Variants in TNFSF11 observed in about 807,000 individuals in gnomAD.
TNFSF11 encodes TNF superfamily member 11.
Under a neutral mutation model 32.2 loss-of-function variants are expected in TNFSF11, and 12 were observed. That is an observed-to-expected ratio of 0.37 (90% CI 0.24 to 0.60). The LOEUF (loss-of-function observed/expected upper bound fraction) is 0.60. TNFSF11 is among the 20% of genes least tolerant of loss of function. The probability of loss-of-function intolerance (pLI) is 0.66; values close to 1 mark genes in which losing one functional copy is unlikely to be tolerated. For missense variants in TNFSF11, 345 were observed against 398.0 expected (o/e 0.87, Z 1.13); for synonymous variants, 172 against 152.1 (o/e 1.13, Z -0.96).
intron 1 of TNFSF11, among the ~76,000 whole-genome samples, chr13:42,578,375 G>A (rs930312075): frequency 9.2e-5 from 14 of 152,158 alleles, no homozygotes; most frequent in African/African-American, 3.4e-4. Flanking sequence ...TTACCTGTGT[G>A]TGTGGCTGGC....
intron 1 of TNFSF11, among the ~76,000 whole-genome samples, chr13:42,574,890 G>C (rs1420165124): frequency 6.6e-6 from 1 of 152,220 alleles, no homozygotes; most frequent in African/African-American, 2.4e-5. Flanking sequence ...TTGAAGTTAA[G>C]AATCAACTTC....
intron 1 of TNFSF11, among the ~76,000 whole-genome samples, chr13:42,564,426 G>A (rs1872795087): frequency 6.6e-6 from 1 of 152,096 alleles, no homozygotes; most frequent in Non-Finnish European, 1.5e-5. Context: ...AATTAGCCGG[G>A]CGTGGTGGCA....
intron 1 of TNFSF11, among the ~76,000 whole-genome samples, 166 bp downstream of exon 1, chr13:42,574,688 C>G (rs1873221006): frequency 6.6e-6 from 1 of 151,894 alleles, no homozygotes; most frequent in Non-Finnish European, 1.5e-5. Context: ...TGGGGACAAC[C>G]TGGCGCAGGG....
At chr13:42,582,656 C>T (rs147614655) in intron 2 of TNFSF11, among the ~76,000 whole-genome samples, 167 of 152,236 alleles carry the variant, frequency 1.1e-3, no homozygotes, top group African/African-American at 3.8e-3. Context: ...TTTTCATTAT[C>T]ATTAGTGTGT....
chr13:42,590,937 G>A (rs1280092704), intron 2 of TNFSF11, among the ~76,000 whole-genome samples: 2 of 152,190 alleles, frequency 1.3e-5, no homozygotes, highest in East Asian at 1.9e-4. Context: ...TAGCTCTTTG[G>A]TAGGTAGAGG....
intron 2 of TNFSF11, among the ~76,000 whole-genome samples, chr13:42,596,443 T>C (rs534396162): frequency 6.9e-4 from 105 of 152,330 alleles, no homozygotes; most frequent in South Asian, 1.9e-3. Flanking sequence ...TAGGGATTCC[T>C]GGGTGGGCTA....
rs1331986683 is a variant in TNFSF11 at position 42,606,544 on chromosome 13, G to A, written c.580G>A (p.Ala194Thr). 1 of 1,614,174 alleles carries A rather than the reference G, an allele frequency of 6.2e-7. No homozygotes were observed. Among genetic ancestry groups the A allele is most frequent in the Admixed American group, 1.7e-5 (1 of 60,024 alleles). The change falls in exon 5 of 5, where the codon GCC (alanine) becomes ACC (threonine). Residue 194 changes from alanine (A) to threonine (T), a missense_variant. Ala to Thr is a moderately conservative substitution (Grantham distance 58). Around this residue, in one of 2 missense-constraint regions of TNFSF11, gnomAD observed 148 missense variants for 216.0 expected, o/e 0.69. Transcript: ENST00000398795. ...LSSWYHDRGW[A>T]KISNMTFSNG... The stretch of plus-strand genomic sequence containing the variant: ...CTCTTGGTACCATGATCGGGGTTGG[G>A]CCAAGATCTCCAACATGACTTTTAG...
chr13:42,573,934 G>A (rs1206572849), upstream of TNFSF11, among the ~76,000 whole-genome samples: 2 of 152,160 alleles, frequency 1.3e-5, no homozygotes, highest in Non-Finnish European at 2.9e-5. Context: ...AGGATGGCAA[G>A]GGGAGTCTGG....
Position 42,607,046 on chromosome 13 carries a change from A to G in TNFSF11, c.*128A>G. The stretch of plus-strand genomic sequence containing the variant: ...TGGCCCCAACGGTACACGACTCAGT[A>G]TCCATGCTCTTGACCTTGTAGAGAA... On this transcript the variant is annotated 3_prime_UTR_variant, in exon 5 of 5. Transcript: ENST00000398795. 1.7e-6 allele frequency: 2 copies of G among 1,192,854 alleles called. No individual in the cohort carries two copies. The highest frequency in any genetic ancestry group is 3.0e-5 in the African/African-American group (2 of 66,332). 73.9% of individuals were successfully genotyped at this position (1,192,854 alleles called of 1,614,324 possible).
At chr13:42,585,718 A>G (rs1381274696) in intron 2 of TNFSF11, among the ~76,000 whole-genome samples, 1 of 152,198 alleles carries the variant, frequency 6.6e-6, no homozygotes, top group Admixed American at 6.5e-5. Flanking sequence ...GGCAGAGAGG[A>G]CACTCAGCCC....
rs1594481966 is a variant in TNFSF11 at position 42,603,875 on chromosome 13, C to T, written c.533-2622C>T. On this transcript the variant is annotated intron_variant, in intron 4 of 4. Coordinates refer to ENST00000398795, the MANE Select transcript of TNFSF11 (RefSeq NM_003701.4). ...GCAGACTGCCTGTTCCTAAAAACAC[C>T]ACGTAGATATTGTGTGACTGATCAA... Among the ~76,000 whole-genome samples, 3 of 152,238 alleles carry T rather than the reference C, an allele frequency of 2.0e-5. 1 individual carries two copies. The highest frequency in any genetic ancestry group is 4.1e-4 in the South Asian group (2 of 4,820).
chr13:42,606,581 TA>T lies in TNFSF11; in HGVS notation c.619del (p.Ile207Ter). On this transcript the variant is annotated frameshift_variant, in exon 5 of 5. Transcript: ENST00000398795. LOFTEE classifies it high-confidence loss of function. The part of the protein sequence containing the change: ...ISNMTFSNGK[L>X]IVNQDGFYYL... ...AACATGACTTTTAGCAATGGAAAACTAATAGTTAATCAGGATGGCTTTTATT... is the reference window on the plus strand; with the variant it reads ...AACATGACTTTTAGCAATGGAAAACTATAGTTAATCAGGATGGCTTTTATT... The T allele has an allele frequency of 6.2e-7, 1 of 1,614,214 alleles. No homozygotes were observed. Among genetic ancestry groups the T allele is most frequent in the Non-Finnish European group, 8.5e-7 (1 of 1,180,030 alleles).
chr13:42,579,058 C>G lies in TNFSF11; in HGVS notation c.220-2068C>G, dbSNP rs529150467. On this transcript the variant is annotated intron_variant, in intron 1 of 4. Coordinates refer to ENST00000398795, the MANE Select transcript of TNFSF11 (RefSeq NM_003701.4). ...AAATTCTACATTTCTAGCAAGCCCT[C>G]AGGGAGCCCACGATGCTACTCATTG... 3.9e-5 allele frequency among the ~76,000 whole-genome samples: 6 copies of G among 152,236 alleles called. No individual in the cohort carries two copies. The South Asian group carries it at 1.2e-3, about 32-fold the overall frequency.
chr13:42,574,416 C>T lies in TNFSF11; in HGVS notation c.113C>T (p.Pro38Leu), dbSNP rs774485295. 3.8e-6 allele frequency: 6 copies of T among 1,580,978 alleles called. No homozygotes were observed. In the South Asian group the frequency reaches 4.6e-5, roughly 12 times the overall value. Reference protein sequence around the residue: ...GPLHAPPPPAPHQPPAASRSM... With the variant: ...GPLHAPPPPALHQPPAASRSM... Reference sequence around the variant, plus strand: ...CTGCACGCCCCGCCGCCGCCTGCGCCGCACCAGCCCCCTGCCGCCTCCCGC... The same window carrying T: ...CTGCACGCCCCGCCGCCGCCTGCGCTGCACCAGCCCCCTGCCGCCTCCCGC... Residue 38 changes from proline (P) to leucine (L), a missense_variant, in exon 1 of 5, where the codon CCG becomes CTG. Pro to Leu is a moderately conservative substitution (Grantham distance 98). Transcript: ENST00000398795.
At chr13:42,602,819 T>G (rs1002361567) in intron 4 of TNFSF11, among the ~76,000 whole-genome samples, 4 of 152,242 alleles carry the variant, frequency 2.6e-5, no homozygotes, top group African/African-American at 9.6e-5. Context: ...CAGTTCACTT[T>G]AAATGGCATA....
chr13:42,588,597 G>A (rs1022366489), intron 2 of TNFSF11, among the ~76,000 whole-genome samples: 3 of 152,212 alleles, frequency 2.0e-5, no homozygotes, highest in African/African-American at 7.2e-5. Flanking sequence ...TACAGCCTGT[G>A]TAATTGAAGA....
chr13:42,563,082 T>C (rs1872729525), intron 1 of TNFSF11: 2 of 152,168 alleles, frequency 1.3e-5, no homozygotes, highest in Non-Finnish European at 2.9e-5. Flanking sequence ...GTACCATGAA[T>C]GAAAGAGTTC....
upstream of TNFSF11, chr13:42,574,057 T>G (rs1594457665): frequency 3.7e-6 from 2 of 546,754 alleles, no homozygotes; most frequent in Non-Finnish European, 3.2e-6. Context: ...GAGCCAGAGG[T>G]GGGAGTGGAA....
intron 4 of TNFSF11, among the ~76,000 whole-genome samples, chr13:42,604,036 T>C (rs1869318833): frequency 6.6e-6 from 1 of 152,238 alleles, no homozygotes; most frequent in Non-Finnish European, 1.5e-5. Context: ...TCTCTTCTCC[T>C]GCCTCTCTAT....
Sources: allele counts gnomAD v4.1 joint callset (sites outside exome capture counted in the v4.1 genomes callset), GRCh38; gene constraint gnomAD v4.1.1; regional missense constraint gnomAD v4.1.1; transcripts MANE v1.5; gene names NCBI Gene and HGNC (gene_info 2026-07-23, HGNC 2026-07-21).